The following ADGRB3 variants were observed in gnomAD, a reference collection of about 807,000 sequenced individuals.
ADGRB3 encodes adhesion G protein-coupled receptor B3.
A neutral mutation model predicts 193.4 loss-of-function variants in ADGRB3; 37 were observed. The observed-to-expected ratio is 0.19, with a 90% CI of 0.15 to 0.25. The LOEUF is 0.25. Among genes scored for constraint, ADGRB3 ranks in the 10% least tolerant of loss-of-function variants. The pLI, the probability that ADGRB3 is intolerant of heterozygous loss-of-function variation, is 1.00. For missense variants in ADGRB3, 1,637 were observed against 1,852.9 expected, an observed-to-expected ratio of 0.88 and a Z score of 2.14; for synonymous variants, 690 against 644.2, an observed-to-expected ratio of 1.07 and a Z score of -1.08.
chr6:69,258,594 A>G (rs1432972282), intron 20 of ADGRB3, among the ~76,000 whole-genome samples: 2 of 152,262 alleles, frequency 1.3e-5, no homozygotes, highest in Non-Finnish European at 2.9e-5. Flanking sequence ...AATGGTGTAT[A>G]GTCCAGAGCT....
intron 20 of ADGRB3, among the ~76,000 whole-genome samples, chr6:69,255,943 C>T (rs1465689871): frequency 6.6e-6 from 1 of 152,102 alleles, no homozygotes; most frequent in Non-Finnish European, 1.5e-5. Context: ...TTCCCAGCAC[C>T]ATTTATTAAA....
chr6:68,916,680 G>C (rs1766887869), intron 3 of ADGRB3, among the ~76,000 whole-genome samples: 1 of 152,162 alleles, frequency 6.6e-6, no homozygotes, highest in African/African-American at 2.4e-5. Context: ...TTTTAGGTTA[G>C]ATAAGAATGA....
Position 69,031,069 on chromosome 6 carries a change from CTCT to C in ADGRB3, c.2107+12574_2107+12576del, listed in dbSNP as rs765260074. Reference sequence around the variant, plus strand: ...CTCTTCTCTTCTCTTCTCTTCTCTTCTCTTCTCTTCTCTTCTCTTCTCTTCTCT... The same window carrying C: ...CTCTTCTCTTCTCTTCTCTTCTCTTCTCTCTTCTCTTCTCTTCTCTTCTCT... On this transcript the variant is annotated intron_variant, in intron 13 of 31. Coordinates refer to ENST00000370598, the MANE Select transcript of ADGRB3 (RefSeq NM_001704.3). Among the ~76,000 whole-genome samples the C allele has an allele frequency of 3.5e-3, 174 of 49,536 alleles. 14 individuals carry two copies. The highest frequency in any genetic ancestry group is 5.3e-3 in the African/African-American group (87 of 16,522). The allele number at this position is 49,536 out of a possible 152,430, so 32.5% of individuals were successfully genotyped here.
chr6:68,997,268 A>C (rs1270817611), intron 11 of ADGRB3, among the ~76,000 whole-genome samples: 1 of 152,168 alleles, frequency 6.6e-6, no homozygotes, highest in South Asian at 2.1e-4. Context: ...ATATGCATAT[A>C]CTTTTTTCTA....
intron 3 of ADGRB3, among the ~76,000 whole-genome samples, chr6:68,673,217 G>A (rs1338547231): frequency 1.3e-5 from 2 of 152,044 alleles, no homozygotes; most frequent in African/African-American, 4.8e-5. Context: ...TGGTAGATAA[G>A]TTCCCTCATT....
At chr6:68,912,457 T>C in intron 3 of ADGRB3, among the ~76,000 whole-genome samples, 1 of 151,984 alleles carries the variant, frequency 6.6e-6, no homozygotes, top group East Asian at 1.9e-4. Flanking sequence ...CATGCTGGTG[T>C]GCTGCACTCA....
intron 17 of ADGRB3, among the ~76,000 whole-genome samples, chr6:69,113,903 G>A (rs901548356): frequency 1.3e-5 from 2 of 152,112 alleles, no homozygotes; most frequent in African/African-American, 2.4e-5. Flanking sequence ...AGTTTATACA[G>A]CATGGGGGCT....
chr6:69,050,240 C>G (rs1438009928), intron 15 of ADGRB3, among the ~76,000 whole-genome samples: 1 of 150,346 alleles, frequency 6.7e-6, no homozygotes, highest in African/African-American at 2.4e-5. Context: ...AAAAAATCAC[C>G]CAAGGAAGCA....
intron 17 of ADGRB3, among the ~76,000 whole-genome samples, chr6:69,155,900 A>G (rs752408047): frequency 2.0e-5 from 3 of 152,182 alleles, no homozygotes; most frequent in Non-Finnish European, 2.9e-5. Flanking sequence ...GCGAACAAAA[A>G]TTAGCCATTT....
chr6:68,956,787 A>G lies in ADGRB3; in HGVS notation c.1503A>G (p.Arg501=), dbSNP rs1165956018. The G allele has an allele frequency of 6.2e-7, 1 of 1,613,856 alleles. No homozygotes were observed. Among genetic ancestry groups the G allele is most frequent in the Non-Finnish European group, 8.5e-7 (1 of 1,179,886 alleles). ...QCEGTGEEVR[R]CNEQRCPAPY... is the part of the protein sequence containing the mutation. ...AAGGAACGGGCGAAGAAGTGAGAAG[A>G]TGCAATGAGCAGCGATGCCCTGGTG... The change falls in exon 8 of 32, where the codon AGA becomes AGG. Residue 501 remains arginine, a synonymous_variant. Transcript: ENST00000370598.
intron 3 of ADGRB3, among the ~76,000 whole-genome samples, chr6:68,656,843 A>G (rs943142845): frequency 2.0e-5 from 3 of 151,636 alleles, no homozygotes; most frequent in Admixed American, 2.0e-4. Flanking sequence ...CATAGAAAAT[A>G]TGAACTTTAT....
intron 3 of ADGRB3, among the ~76,000 whole-genome samples, chr6:68,794,698 T>A (rs1426286588): frequency 6.6e-6 from 1 of 152,134 alleles, no homozygotes; most frequent in African/African-American, 2.4e-5. Flanking sequence ...TCAAAGGAAA[T>A]TAGAGTTACA....
At chr6:69,111,809 A>C (rs555282408) in intron 17 of ADGRB3, among the ~76,000 whole-genome samples, 283 of 152,368 alleles carry the variant, frequency 1.9e-3, no homozygotes, top group Non-Finnish European at 3.5e-3. Flanking sequence ...AATACATGTG[A>C]ACCATCAGCT....
intron 17 of ADGRB3, among the ~76,000 whole-genome samples, chr6:69,208,448 T>A (rs1038759281): frequency 2.6e-5 from 4 of 152,176 alleles, no homozygotes; most frequent in African/African-American, 9.7e-5. Context: ...TAATTACACA[T>A]CTGGCCATTT....
intron 17 of ADGRB3, among the ~76,000 whole-genome samples, chr6:69,100,832 A>AG (rs1773013272): frequency 1.6e-5 from 1 of 61,868 alleles, no homozygotes; most frequent in African/African-American, 5.7e-5. Context: ...GAAAGAAGGA[A>AG]GGAAGGAAGG....
At chr6:68,757,706 A>T (rs368220036) in intron 3 of ADGRB3, among the ~76,000 whole-genome samples, 3 of 152,076 alleles carry the variant, frequency 2.0e-5, no homozygotes, top group African/African-American at 7.2e-5. Flanking sequence ...ACAGAAAAAA[A>T]ATTTAAAACC....
At chr6:69,371,347 G>A (rs1769702857) in intron 29 of ADGRB3, among the ~76,000 whole-genome samples, 1 of 152,002 alleles carries the variant, frequency 6.6e-6, no homozygotes, top group Admixed American at 6.6e-5. Flanking sequence ...CTCTCCTAAT[G>A]TTCAAGAGTT....
At chr6:68,790,196 C>T (rs993258145) in intron 3 of ADGRB3, among the ~76,000 whole-genome samples, 1 of 152,132 alleles carries the variant, frequency 6.6e-6, no homozygotes, top group South Asian at 2.1e-4. Context: ...CTTGTTTCTG[C>T]CCAACAGAGA....
At chr6:68,682,766 T>C (rs1764917862) in intron 3 of ADGRB3, among the ~76,000 whole-genome samples, 2 of 151,956 alleles carry the variant, frequency 1.3e-5, no homozygotes, top group Non-Finnish European at 2.9e-5. Flanking sequence ...GTTTTCTTTT[T>C]CTTTCACTTT....
Sources: gnomAD v4.1 joint callset for allele counts (sites outside exome capture counted in the v4.1 genomes callset) on GRCh38, gnomAD v4.1.1 for gene constraint, MANE v1.5 for transcripts, NCBI Gene and HGNC (gene_info 2026-07-23, HGNC 2026-07-21) for gene names.